RFX3: variants seen among roughly 807,000 people sequenced by gnomAD.
RFX3 encodes transcription factor RFX3.
In RFX3, 14 loss-of-function variants were observed where a neutral mutation model predicts 98.6. That is an observed-to-expected ratio of 0.14 (90% confidence interval 0.09 to 0.22). The LOEUF (loss-of-function observed/expected upper bound fraction) is 0.22. Among genes scored for constraint, RFX3 ranks in the 10% least tolerant of loss-of-function variants. RFX3 has a pLI of 1.00. For synonymous variants in RFX3, 383 were observed against 328.4 expected (o/e 1.17, Z -1.80); for missense variants, 639 against 926.9 (o/e 0.69, Z 4.03).
rs540778644 is a variant in RFX3, at chr9:3,503,944, G to T, written c.-9+21803C>A. The stretch of plus-strand genomic sequence containing the variant: ...CTCTAATTTCTATTTGCCTATTATT[G>T]TAATTTTTACTTTTAACACTTCATG... On this transcript the variant is annotated intron_variant, in intron 1 of 16. Transcript: ENST00000617270. Among the ~76,000 whole-genome samples the T allele has an allele frequency of 2.6e-5, 4 of 151,520 alleles. No individual in the cohort carries two copies. The East Asian group carries it at 7.7e-4, about 29-fold the overall frequency.
intron 2 of RFX3, among the ~76,000 whole-genome samples, chr9:3,349,886 T>C (rs1247110308): frequency 1.3e-5 from 2 of 152,088 alleles, no homozygotes; most frequent in African/African-American, 4.8e-5. Context: ...TGAAAAATTT[T>C]CCTCACTACA....
At chr9:3,483,193 C>A (rs551137985) in intron 1 of RFX3, among the ~76,000 whole-genome samples, 20 of 152,186 alleles carry the variant, frequency 1.3e-4, no homozygotes, top group African/African-American at 4.1e-4. Context: ...CACTACCCGA[C>A]CCCCAAACAG....
chr9:3,307,826 T>C (rs1471304796), intron 4 of RFX3, among the ~76,000 whole-genome samples: 1 of 152,224 alleles, frequency 6.6e-6, no homozygotes, highest in East Asian at 1.9e-4. Flanking sequence ...CAACCTAAGT[T>C]AGACTAATGC....
intron 1 of RFX3, among the ~76,000 whole-genome samples, chr9:3,409,797 C>T (rs940970694): frequency 2.6e-5 from 4 of 151,964 alleles, no homozygotes; most frequent in African/African-American, 9.7e-5. Context: ...AAATCACAGC[C>T]CTTTAAAGCT....
At chr9:3,436,738 A>G (rs1235685440) in intron 1 of RFX3, among the ~76,000 whole-genome samples, 1 of 152,094 alleles carries the variant, frequency 6.6e-6, no homozygotes, top group Admixed American at 6.6e-5. Flanking sequence ...ATGCTGTGCA[A>G]TATTTGGGAT....
intron 1 of RFX3, among the ~76,000 whole-genome samples, chr9:3,403,548 G>A (rs1424051217): frequency 6.6e-6 from 1 of 152,104 alleles, no homozygotes; most frequent in Non-Finnish European, 1.5e-5. Context: ...ATACAGGTTG[G>A]CTGAGTAACT....
intron 1 of RFX3, among the ~76,000 whole-genome samples, chr9:3,429,153 G>C (rs2132498950): frequency 6.6e-6 from 1 of 150,786 alleles, no homozygotes; most frequent in East Asian, 2.0e-4. Context: ...CTCCCAAGTA[G>C]CTGGGACTAC....
At chr9:3,247,673 C>T in intron 15 of RFX3, 2 of 1,450,638 alleles carry the variant, frequency 1.4e-6, no homozygotes, top group Non-Finnish European at 9.1e-7. Flanking sequence ...CATATTTAAT[C>T]CTTTCCATTG....
chr9:3,319,480 A>C (rs889842443), intron 4 of RFX3, among the ~76,000 whole-genome samples: 2 of 152,158 alleles, frequency 1.3e-5, no homozygotes, highest in Non-Finnish European at 2.9e-5. Context: ...TGCAATCTTA[A>C]GTATTATTTG....
intron 13 of RFX3, among the ~76,000 whole-genome samples, chr9:3,259,417 G>C (rs534267828): frequency 6.6e-6 from 1 of 151,322 alleles, no homozygotes; most frequent in Non-Finnish European, 1.5e-5. Context: ...ACAATAGAGC[G>C]CATTGTAAAT....
At chr9:3,342,045 T>C (rs1833946798) in intron 3 of RFX3, among the ~76,000 whole-genome samples, 1 of 152,194 alleles carries the variant, frequency 6.6e-6, no homozygotes, top group South Asian at 2.1e-4. Flanking sequence ...TATTAATCTT[T>C]TAAAGTGTAT....
chr9:3,422,515 T>A (rs565732450), intron 1 of RFX3, among the ~76,000 whole-genome samples: 1 of 152,334 alleles, frequency 6.6e-6, no homozygotes, highest in Admixed American at 6.5e-5. Flanking sequence ...CCCTTCTGCC[T>A]TATTAGAAGC....
chr9:3,360,631 AG>A (rs1226160794), intron 2 of RFX3, among the ~76,000 whole-genome samples: 1 of 152,164 alleles, frequency 6.6e-6, no homozygotes, highest in African/African-American at 2.4e-5. Flanking sequence ...AATATATGGA[AG>A]CACCTCATAT....
At chr9:3,506,137 C>A (rs538129194) in intron 1 of RFX3, among the ~76,000 whole-genome samples, 7 of 150,506 alleles carry the variant, frequency 4.7e-5, no homozygotes, top group Non-Finnish European at 8.9e-5. Flanking sequence ...CTCATCATCT[C>A]GAGAGATGGT....
At chr9:3,346,296 T>C (rs569884409) in intron 3 of RFX3, among the ~76,000 whole-genome samples, 1 of 152,240 alleles carries the variant, frequency 6.6e-6, no homozygotes, top group South Asian at 2.1e-4. Flanking sequence ...TTCATTTACA[T>C]GCAAATACAT....
intron 6 of RFX3, among the ~76,000 whole-genome samples, chr9:3,289,796 C>T (rs1226260090): frequency 6.6e-6 from 1 of 151,772 alleles, no homozygotes; most frequent in Non-Finnish European, 1.5e-5. Flanking sequence ...TTTTTATTTG[C>T]CTTTGTTTAA....
chr9:3,447,402 G>A (rs759679210), intron 1 of RFX3, among the ~76,000 whole-genome samples: 1 of 152,070 alleles, frequency 6.6e-6, no homozygotes, highest in Admixed American at 6.6e-5. Flanking sequence ...CAATGCAAAA[G>A]TTGAGAAATG....
intron 1 of RFX3, among the ~76,000 whole-genome samples, chr9:3,503,101 T>C (rs1453899817): frequency 6.6e-6 from 1 of 152,150 alleles, no homozygotes; most frequent in Non-Finnish European, 1.5e-5. Context: ...ATACTAAATT[T>C]TGCTTAATTT....
chr9:3,477,679 T>C (rs1290398462), intron 1 of RFX3, among the ~76,000 whole-genome samples: 2 of 152,196 alleles, frequency 1.3e-5, no homozygotes, highest in Admixed American at 1.3e-4. Context: ...CTTGGATGTG[T>C]AGCACAGAGT....
Sources: allele counts gnomAD v4.1 joint callset (sites outside exome capture counted in the v4.1 genomes callset), GRCh38; gene constraint gnomAD v4.1.1; transcripts MANE v1.5; gene names NCBI Gene and HGNC (gene_info 2026-07-23, HGNC 2026-07-21).